Variants in SV2C observed in about 807,000 individuals in gnomAD.
The protein encoded by SV2C is synaptic vesicle glycoprotein 2C, also known as solute carrier family 22 member B3.
A neutral mutation model predicts 79.7 loss-of-function variants in SV2C; 49 were observed. The ratio of observed to expected loss-of-function variants is 0.61; its 90% CI spans 0.49 to 0.78. SV2C has a LOEUF of 0.78. Ranked by LOEUF, SV2C falls within the 30% of genes least tolerant of loss-of-function variation. SV2C has a pLI of 0.00. For synonymous variants in SV2C, 334 were observed against 333.2 expected, an observed-to-expected ratio of 1.00 and a Z score of -0.03; for missense variants, 833 against 912.9, an observed-to-expected ratio of 0.91 and a Z score of 1.13.
intron 8 of SV2C, among the ~76,000 whole-genome samples, chr5:76,294,655 A>G (rs572603316): frequency 3.9e-4 from 59 of 152,080 alleles, no homozygotes; most frequent in African/African-American, 1.3e-3. Context: ...TTTTTCCGTA[A>G]GTCTTCAAAA....
intron 1 of SV2C, among the ~76,000 whole-genome samples, chr5:76,123,891 T>G (rs918125749): frequency 6.6e-6 from 1 of 152,144 alleles, no homozygotes; most frequent in Non-Finnish European, 1.5e-5. Context: ...CACTCCCAAA[T>G]AGTTAGAGAC....
intron 2 of SV2C, among the ~76,000 whole-genome samples, chr5:76,135,372 C>A (rs1457188311): frequency 6.6e-6 from 1 of 152,100 alleles, no homozygotes; most frequent in South Asian, 2.1e-4. Context: ...ACAACACTGC[C>A]AATGACCTTA....
intron 2 of SV2C, among the ~76,000 whole-genome samples, chr5:76,182,631 C>T (rs1743771195): frequency 6.6e-6 from 1 of 152,176 alleles, no homozygotes; most frequent in Admixed American, 6.5e-5. Context: ...AGAGCCAGCA[C>T]GTGAGAGTGA....
chr5:76,035,797 T>C, the SV2C span, among the ~76,000 whole-genome samples: 1 of 152,050 alleles, frequency 6.6e-6, no homozygotes, highest in South Asian at 2.1e-4. Flanking sequence ...TTCCTGGGTA[T>C]CCTTGTTGAC....
chr5:76,090,930 G>T (rs2112096561), intron 1 of SV2C, among the ~76,000 whole-genome samples: 1 of 152,292 alleles, frequency 6.6e-6, no homozygotes, highest in South Asian at 2.1e-4. Flanking sequence ...TAGAGAAGGT[G>T]ACCCACTTTG....
intron 4 of SV2C, among the ~76,000 whole-genome samples, chr5:76,257,908 G>C (rs1010287600): frequency 4.3e-5 from 6 of 138,950 alleles, no homozygotes; most frequent in African/African-American, 1.6e-4. Flanking sequence ...TGATATATGG[G>C]TGTGTGTGGT....
At chr5:76,023,529 T>G in the SV2C span, among the ~76,000 whole-genome samples, 1 of 152,110 alleles carries the variant, frequency 6.6e-6, no homozygotes. Flanking sequence ...GATGTGTGTG[T>G]GTGTTGGGCA....
chr5:76,095,115 T>G (rs1032336849), intron 1 of SV2C, among the ~76,000 whole-genome samples: 1 of 152,036 alleles, frequency 6.6e-6, no homozygotes, highest in Non-Finnish European at 1.5e-5. Flanking sequence ...CATTTTAATT[T>G]TTGTTTAAAA....
chr5:75,909,557 G>A, the SV2C span, among the ~76,000 whole-genome samples: 1 of 152,040 alleles, frequency 6.6e-6, no homozygotes, highest in Non-Finnish European at 1.5e-5. Flanking sequence ...GCAGAGGGAG[G>A]GTTTTGTTCT....
intron 4 of SV2C, among the ~76,000 whole-genome samples, chr5:76,214,100 A>G (rs867654548): frequency 2.0e-5 from 3 of 151,656 alleles, no homozygotes; most frequent in Admixed American, 6.6e-5. Flanking sequence ...GTGTGTGTGT[A>G]TGTATGTACA....
chr5:76,153,140 C>T (rs952204253), intron 2 of SV2C, among the ~76,000 whole-genome samples: 1 of 152,086 alleles, frequency 6.6e-6, no homozygotes, highest in East Asian at 1.9e-4. Flanking sequence ...TTGAGCTGCT[C>T]CTATTTTGTA....
intron 12 of SV2C, among the ~76,000 whole-genome samples, chr5:76,308,412 A>G (rs538813849): frequency 6.6e-6 from 1 of 152,276 alleles, no homozygotes; most frequent in East Asian, 1.9e-4. Context: ...TGGCATCCCA[A>G]TGGTAGTGTT....
At chr5:75,871,834 T>C in the SV2C span, among the ~76,000 whole-genome samples, 25,188 of 118,366 alleles carry the variant, frequency 0.21, 2,607 homozygotes, top group African/African-American at 0.35. Context: ...TATATATATA[T>C]ACACACACAC....
intron 2 of SV2C, among the ~76,000 whole-genome samples, chr5:76,167,749 A>G (rs1340267465): frequency 6.6e-6 from 1 of 152,228 alleles, no homozygotes; most frequent in Non-Finnish European, 1.5e-5. Context: ...GTCTGGCTCC[A>G]CTGAGTGGCT....
chr5:76,255,722 C>T (rs1189614538), intron 4 of SV2C, among the ~76,000 whole-genome samples: 2 of 152,186 alleles, frequency 1.3e-5, no homozygotes, highest in Non-Finnish European at 2.9e-5. Context: ...AGAGTGGTCA[C>T]GCCTGGCCAC....
the SV2C span, among the ~76,000 whole-genome samples, chr5:76,044,616 G>A: frequency 1.3e-5 from 2 of 152,202 alleles, no homozygotes; most frequent in Non-Finnish European, 2.9e-5. Flanking sequence ...ACTGATGTGA[G>A]ATGGTATCTC....
At chr5:75,957,943 A>G in the SV2C span, among the ~76,000 whole-genome samples, 1 of 151,966 alleles carries the variant, frequency 6.6e-6, no homozygotes, top group African/African-American at 2.4e-5. Context: ...CCTTGGGAAT[A>G]CTGTTCCATC....
the SV2C span, among the ~76,000 whole-genome samples, chr5:76,032,353 C>T: frequency 8.0e-4 from 121 of 152,138 alleles, no homozygotes; most frequent in Non-Finnish European, 1.3e-3. Flanking sequence ...CCCACTAACT[C>T]GGCATCTAGC....
At chr5:75,978,026 C>G in the SV2C span, among the ~76,000 whole-genome samples, 1 of 152,254 alleles carries the variant, frequency 6.6e-6, no homozygotes, top group East Asian at 1.9e-4. Context: ...CTTTAACCAC[C>G]TTTTGTATAT....
Sources: allele counts gnomAD v4.1 joint callset (sites outside exome capture counted in the v4.1 genomes callset), GRCh38; gene constraint gnomAD v4.1.1; transcripts MANE v1.5; gene names NCBI Gene and HGNC (gene_info 2026-07-23, HGNC 2026-07-21).